CHODL: variants seen among roughly 807,000 people sequenced by gnomAD.
The protein encoded by CHODL is transmembrane protein MT75.
Under a neutral mutation model 34.5 loss-of-function variants are expected in CHODL, and 29 were observed. That is an observed-to-expected ratio of 0.84 (90% CI 0.63 to 1.15). The LOEUF is 1.15. CHODL is among the 50% of genes most tolerant of loss of function. The pLI, the probability that CHODL is intolerant of heterozygous loss-of-function variation, is 0.00. For synonymous variants in CHODL, 125 were observed against 116.1 expected (o/e 1.08, Z -0.49); for missense variants, 332 against 332.5 (o/e 1.00, Z 0.01).
chr21:18,060,606 T>C (rs1222219776), intron 2 of CHODL, among the ~76,000 whole-genome samples: 1 of 147,060 alleles, frequency 6.8e-6, no homozygotes, highest in African/African-American at 2.6e-5. Flanking sequence ...TGAATCATCA[T>C]AAATAGGAAT....
intron 2 of CHODL, among the ~76,000 whole-genome samples, chr21:18,081,934 C>T (rs1196032095): frequency 1.3e-5 from 2 of 152,038 alleles, no homozygotes; most frequent in Non-Finnish European, 2.9e-5. Context: ...GTCCTCAACC[C>T]TGTTTATATA....
chr21:18,164,153 G>A (rs1325845027), intron 2 of CHODL, among the ~76,000 whole-genome samples: 1 of 152,186 alleles, frequency 6.6e-6, no homozygotes. Context: ...CCCAGACACA[G>A]CAACAGGACC....
At chr21:17,927,405 C>T (rs528437980) in intron 1 of CHODL, among the ~76,000 whole-genome samples, 2 of 152,136 alleles carry the variant, frequency 1.3e-5, no homozygotes, top group South Asian at 2.1e-4. Context: ...TGGCTTGCTA[C>T]GTGCTGTTCT....
intron 1 of CHODL, among the ~76,000 whole-genome samples, chr21:17,918,154 G>A (rs1353018683): frequency 2.0e-5 from 3 of 151,982 alleles, no homozygotes; most frequent in African/African-American, 7.3e-5. Context: ...AAGAGAAACT[G>A]GGGGTGAGGG....
chr21:18,001,811 C>T (rs2063909622), intron 1 of CHODL, among the ~76,000 whole-genome samples: 1 of 143,560 alleles, frequency 7.0e-6, no homozygotes, highest in Non-Finnish European at 1.5e-5. Flanking sequence ...TCCCACAATC[C>T]TGTTACCATA....
chr21:18,111,306 C>A (rs2065347612), intron 2 of CHODL, among the ~76,000 whole-genome samples: 1 of 152,138 alleles, frequency 6.6e-6, no homozygotes. Flanking sequence ...ATTCACATTT[C>A]TTTTTTAATT....
At chr21:18,050,487 G>A (rs2064500175) in intron 2 of CHODL, among the ~76,000 whole-genome samples, 3 of 152,026 alleles carry the variant, frequency 2.0e-5, no homozygotes, top group Admixed American at 6.6e-5. Flanking sequence ...GTAGTGCAGG[G>A]CAGTAGCAAC....
chr21:18,023,342 C>T (rs1568848513), intron 1 of CHODL, among the ~76,000 whole-genome samples: 1 of 152,094 alleles, frequency 6.6e-6, no homozygotes, highest in Non-Finnish European at 1.5e-5. Context: ...TGGTATGAGC[C>T]AGACTGAGAG....
At chr21:18,245,389 T>A in intron 1 of CHODL, 87 bp downstream of exon 1, 1 of 1,188,644 alleles carries the variant, frequency 8.4e-7, no homozygotes, top group Non-Finnish European at 1.1e-6. Flanking sequence ...GCGGAGGCTC[T>A]CCGGGGCGTT....
At chr21:18,205,435 T>C (rs2073701231) in intron 2 of CHODL, among the ~76,000 whole-genome samples, 1 of 152,062 alleles carries the variant, frequency 6.6e-6, no homozygotes, top group Admixed American at 6.5e-5. Flanking sequence ...GGGATAATTC[T>C]CACTAGATCG....
intron 2 of CHODL, among the ~76,000 whole-genome samples, chr21:18,083,822 T>C (rs1158465075): frequency 6.6e-6 from 1 of 152,252 alleles, no homozygotes; most frequent in Non-Finnish European, 1.5e-5. Context: ...AACTAGCTTT[T>C]GATTTTATAG....
At chr21:18,180,124 A>G (rs1467834559) in intron 2 of CHODL, among the ~76,000 whole-genome samples, 4 of 152,140 alleles carry the variant, frequency 2.6e-5, no homozygotes, top group African/African-American at 4.8e-5. Context: ...ATGAATGTTA[A>G]CTTCTATTAT....
chr21:17,977,650 G>C (rs1376073756), intron 1 of CHODL, among the ~76,000 whole-genome samples: 1 of 147,456 alleles, frequency 6.8e-6, no homozygotes, highest in African/African-American at 2.5e-5. Flanking sequence ...GTGAATCACC[G>C]TGCCAGGCCA....
Position 17,927,126 on chromosome 21 carries a change from A to ATATATATG in CHODL, c.-145+9750_-145+9757dup, listed in dbSNP as rs200122044. On this transcript the variant is annotated intron_variant, in intron 1 of 6. Coordinates refer to the CHODL transcript ENST00000400127. ...TGTGTATGTATATATGTATATATGTATATATATGTATATATGTATATATGT... is the reference window on the plus strand; with the variant it reads ...TGTGTATGTATATATGTATATATGTATATATATGTATATATGTATATATGTATATATGT... Among the ~76,000 whole-genome samples the ATATATATG allele has an allele frequency of 2.2e-3, 250 of 113,330 alleles. 6 individuals carry two copies. The highest frequency in any genetic ancestry group is 9.3e-3 in the African/African-American group (237 of 25,554). The allele number at this position is 113,330 out of a possible 152,430, so 74.3% of individuals were successfully genotyped here. A position where few individuals can be genotyped will look rare whatever the true frequency, so the allele number is the denominator to read the frequency against.
intron 2 of CHODL, among the ~76,000 whole-genome samples, chr21:18,199,935 G>A (rs899037956): frequency 1.3e-5 from 2 of 152,160 alleles, no homozygotes; most frequent in African/African-American, 4.8e-5. Flanking sequence ...AGATTTCTAT[G>A]CAGATGTAAA....
At chr21:18,135,970 G>T (rs1335222380) in intron 2 of CHODL, among the ~76,000 whole-genome samples, 1 of 151,930 alleles carries the variant, frequency 6.6e-6, no homozygotes, top group Non-Finnish European at 1.5e-5. Context: ...ACCTGGGCAT[G>T]GTGGCACGTG....
chr21:17,950,669 C>T (rs976353943), intron 1 of CHODL, among the ~76,000 whole-genome samples: 17 of 152,036 alleles, frequency 1.1e-4, no homozygotes, highest in Admixed American at 6.6e-4. Flanking sequence ...GCAGAGATTG[C>T]GGGCTGGGTA....
At chr21:18,103,934 C>G (rs965702888) in intron 2 of CHODL, among the ~76,000 whole-genome samples, 2 of 152,190 alleles carry the variant, frequency 1.3e-5, no homozygotes, top group Non-Finnish European at 2.9e-5. Flanking sequence ...ATCACAATAC[C>G]TCTGAGCTTC....
intron 2 of CHODL, among the ~76,000 whole-genome samples, chr21:18,098,763 A>G (rs184364927): frequency 3.7e-4 from 57 of 152,268 alleles, no homozygotes; most frequent in Admixed American, 3.3e-4. Context: ...TATCAAAGAG[A>G]TATTTGTATT....
Sources: allele counts gnomAD v4.1 joint callset (sites outside exome capture counted in the v4.1 genomes callset), GRCh38; gene constraint gnomAD v4.1.1; transcripts MANE v1.5; gene names NCBI Gene and HGNC (gene_info 2026-07-23, HGNC 2026-07-21).